The following EPS15 variants were observed in gnomAD, a reference collection of about 807,000 sequenced individuals.
EPS15 encodes epidermal growth factor receptor pathway substrate 15.
EPS15 carries 72 observed loss-of-function variants against 113.8 expected under a neutral mutation model. The observed-to-expected ratio is 0.63, with a 90% CI of 0.52 to 0.77. The LOEUF (loss-of-function observed/expected upper bound fraction) is 0.77. Ranked by LOEUF, EPS15 falls within the 30% of genes least tolerant of loss-of-function variation. EPS15 has a pLI of 0.00. For synonymous variants in EPS15, 344 were observed against 363.4 expected (o/e 0.95, Z 0.61); for missense variants, 1,048 against 1,045.8 (o/e 1.00, Z -0.03).
chr1:51,429,643 G>GTTT (rs57230294), intron 12 of EPS15, among the ~76,000 whole-genome samples: 10 of 129,964 alleles, frequency 7.7e-5, no homozygotes, highest in Non-Finnish European at 1.5e-4. Flanking sequence ...GTTGTTGTTG[G>GTTT]TTTTTTTTTT....
rs146623764 is a variant in EPS15 at position 51,494,267 on chromosome 1, C to T, written c.34-12953G>A. Among the ~76,000 whole-genome samples the T allele has an allele frequency of 1.6e-3, 244 of 152,316 alleles. 2 individuals carry two copies. Among genetic ancestry groups the T allele is most frequent in the African/African-American group, 5.6e-3 (233 of 41,572 alleles). ...CCTCCTTAATCACTATTTCAAGCAC[C>T]TTGTCCTCCAACCACAACCTCTTCT... On this transcript the variant is annotated intron_variant, in intron 1 of 24. Transcript: ENST00000371733.
In EPS15 at chr1:51,519,200, T is replaced by C; in HGVS notation, c.32A>G (p.Gln11Arg). Residue 11 changes from glutamine to arginine, a missense_variant and splice_region_variant, in exon 1 of 25, where the codon CAG (glutamine) becomes CGG (arginine). Coordinates refer to ENST00000371733, the MANE Select transcript of EPS15 (RefSeq NM_001981.3). MAAAAQLSLT[Q>R]LSSGNPVYEK... ...CGGCGGACGGGCGTGTGGCGTTACC[T>C]GTGTCAGAGAGAGCTGGGCCGCCGC... The C allele has an allele frequency of 2.1e-6, 3 of 1,419,860 alleles. No individual in the cohort carries two copies. In the South Asian group the frequency reaches 4.6e-5, roughly 22 times the overall value. The allele number at this position is 1,419,860 out of a possible 1,614,324, so 88.0% of individuals were successfully genotyped here. A position where few individuals can be genotyped will look rare whatever the true frequency, so the allele number is the denominator to read the frequency against.
At chr1:51,443,410 C>A (rs925445184) in intron 11 of EPS15, among the ~76,000 whole-genome samples, 1 of 151,974 alleles carries the variant, frequency 6.6e-6, no homozygotes, top group African/African-American at 2.4e-5. Context: ...TATTCAGTAA[C>A]CTTTATCCTT....
At chr1:51,403,594 CT>C in intron 16 of EPS15, 62 bp from the exon 17 acceptor site, 1 of 818,872 alleles carries the variant, frequency 1.2e-6, no homozygotes, top group Non-Finnish European at 1.9e-6. Flanking sequence ...AGAAAACTGA[CT>C]AAAGATAACC....
At chr1:51,437,188 GAC>G (rs1358318735) in intron 12 of EPS15, among the ~76,000 whole-genome samples, 2 of 152,046 alleles carry the variant, frequency 1.3e-5, no homozygotes, top group Admixed American at 6.6e-5. Context: ...TGAAAACAAA[GAC>G]AACGAAATCT....
intron 9 of EPS15, 22 bp downstream of exon 9, chr1:51,448,024 G>GCAC (rs1557479473): frequency 1.4e-5 from 22 of 1,609,812 alleles, no homozygotes; most frequent in Non-Finnish European, 1.9e-5. Context: ...GGGATCAACC[G>GCAC]CACAGAGCCT....
chr1:51,496,648 T>G (rs1644328862), intron 1 of EPS15, among the ~76,000 whole-genome samples: 1 of 152,186 alleles, frequency 6.6e-6, no homozygotes, highest in Non-Finnish European at 1.5e-5. Context: ...ACTTGCTGCT[T>G]CATATAATTT....
At chr1:51,514,885 T>A (rs1644686678) in intron 1 of EPS15, among the ~76,000 whole-genome samples, 1 of 152,164 alleles carries the variant, frequency 6.6e-6, no homozygotes. Context: ...AAGAAAAACA[T>A]CATTAATGTG....
Position 51,399,060 on chromosome 1 carries a change from C to T in EPS15, c.2024G>A (p.Ser675Asn), listed in dbSNP as rs758298219. 1 of 1,613,910 alleles carries T rather than the reference C, an allele frequency of 6.2e-7. No homozygotes were observed. The highest frequency in any genetic ancestry group is 1.1e-5 in the South Asian group (1 of 91,064). Residue 675 changes from serine to asparagine, a missense_variant, in exon 20 of 25, where the codon AGT (serine) becomes AAT (asparagine). Coordinates refer to ENST00000371733, the MANE Select transcript of EPS15 (RefSeq NM_001981.3). ...TGTAATACTGCTATTGTTGGCTGCACTGAAAGGGTCAGTGCTTGAAGTGGC... is the reference window on the plus strand; with the variant it reads ...TGTAATACTGCTATTGTTGGCTGCATTGAAAGGGTCAGTGCTTGAAGTGGC... ...PFATSSTDPF[S>N]AANNSSITSV...
intron 10 of EPS15, among the ~76,000 whole-genome samples, 163 bp downstream of exon 10, chr1:51,446,797 G>A (rs558127173): frequency 1.3e-5 from 2 of 152,026 alleles, no homozygotes; most frequent in East Asian, 3.8e-4. Context: ...CCATTCTCAA[G>A]CTTTTGTCCA....
In EPS15 at chr1:51,401,423, C is replaced by T. The variant is rs371191672; in HGVS notation, c.1883-470G>A. Among the ~76,000 whole-genome samples the T allele has an allele frequency of 1.1e-3, 167 of 152,282 alleles. 1 individual carries two copies. Among genetic ancestry groups the T allele is most frequent in the African/African-American group, 4.0e-3 (165 of 41,560 alleles). On this transcript the variant is annotated intron_variant, in intron 18 of 24. Transcript: ENST00000371733. The stretch of plus-strand genomic sequence containing the variant: ...TGGTGTTAGGACAACTGGATATCCA[C>T]TTGCAAAAGAATGAAGCTCGACCTC...
chr1:51,497,975 CAA>C (rs371365509), intron 1 of EPS15, among the ~76,000 whole-genome samples: 12 of 71,626 alleles, frequency 1.7e-4, no homozygotes, highest in African/African-American at 2.2e-4. Flanking sequence ...GACCCCGTCT[CAA>C]AAAAAAAAAA....
intron 1 of EPS15, among the ~76,000 whole-genome samples, chr1:51,483,398 AGTGTGTGTGTGTGTGTGTGTGTGT>A (rs58892404): frequency 2.1e-5 from 3 of 141,694 alleles, no homozygotes; most frequent in East Asian, 2.1e-4. Context: ...CAAGACTGCA[AGTGTGTGTGTGTGTGTGTGTGTGT>A]GTGTGTGTGT....
intron 12 of EPS15, among the ~76,000 whole-genome samples, chr1:51,434,455 A>G (rs879361756): frequency 2.0e-5 from 3 of 152,216 alleles, no homozygotes; most frequent in Non-Finnish European, 2.9e-5. Context: ...AAAAAGACAA[A>G]TATCTCACGA....
chr1:51,436,005 T>C lies in EPS15; in HGVS notation c.1040+4342A>G, dbSNP rs1228280537. Among the ~76,000 whole-genome samples the C allele has an allele frequency of 2.6e-5, 4 of 152,048 alleles. No homozygotes were observed. The East Asian group carries it at 7.7e-4, about 29-fold the overall frequency. On this transcript the variant is annotated intron_variant, in intron 12 of 24. Coordinates refer to ENST00000371733, the MANE Select transcript of EPS15 (RefSeq NM_001981.3). ...AGTGGTGGTATGTTGAAGTAAGAGG[T>C]AATAAACCCATCTATCATACGACTG...
At chr1:51,440,233 G>A in intron 12 of EPS15, 114 bp downstream of exon 12, 1 of 428,906 alleles carries the variant, frequency 2.3e-6, no homozygotes. Flanking sequence ...ATTAGAAACA[G>A]AAAGGTGTGT....
At chr1:51,440,692 G>A (rs1390295872) in intron 11 of EPS15, among the ~76,000 whole-genome samples, 1 of 151,844 alleles carries the variant, frequency 6.6e-6, no homozygotes, top group Non-Finnish European at 1.5e-5. Context: ...CCTCCGATCC[G>A]AATGTCTTTG....
chr1:51,423,084 A>C, intron 12 of EPS15: 1 of 567,940 alleles, frequency 1.8e-6, no homozygotes, highest in Non-Finnish European at 2.5e-6. Flanking sequence ...ATGTAGACAA[A>C]AATCAACTGT....
At chr1:51,422,885 T>C (rs1191632175) in intron 12 of EPS15, among the ~76,000 whole-genome samples, 2 of 152,232 alleles carry the variant, frequency 1.3e-5, no homozygotes, top group African/African-American at 2.4e-5. Context: ...CAGATTAGTA[T>C]AGCCAAGTTT....
Sources: gnomAD v4.1 joint callset for allele counts (sites outside exome capture counted in the v4.1 genomes callset) on GRCh38, gnomAD v4.1.1 for gene constraint, MANE v1.5 for transcripts, NCBI Gene and HGNC (gene_info 2026-07-23, HGNC 2026-07-21) for gene names.